The following DOCK9 variants were observed in gnomAD, a reference collection of about 807,000 sequenced individuals.
DOCK9 encodes the protein dedicator of cytokinesis protein 9.
In DOCK9, 89 loss-of-function variants were observed where a neutral mutation model predicts 263.3. That is an observed-to-expected ratio of 0.34 (90% CI 0.28 to 0.40). The LOEUF is 0.40. Among genes scored for constraint, DOCK9 ranks in the 10% least tolerant of loss-of-function variants. The probability of loss-of-function intolerance (pLI) is 1.00; values close to 1 mark genes in which losing one functional copy is unlikely to be tolerated. For missense variants in DOCK9, 2,140 were observed against 2,603.4 expected, an observed-to-expected ratio of 0.82 and a Z score of 3.87; for synonymous variants, 976 against 973.1, an observed-to-expected ratio of 1.00 and a Z score of -0.06.
intron 1 of DOCK9, among the ~76,000 whole-genome samples, chr13:98,957,836 G>A (rs576366357): frequency 2.6e-4 from 39 of 152,288 alleles, no homozygotes; most frequent in African/African-American, 8.9e-4. Flanking sequence ...CAATACTGCA[G>A]ACTGGGGCAG....
rs759258176 is a variant in DOCK9 at position 98,867,473 on chromosome 13, A to G, written c.3238T>C (p.Leu1080=). The G allele has an allele frequency of 6.2e-7, 1 of 1,612,930 alleles. No individual in the cohort carries two copies. The highest frequency in any genetic ancestry group is 2.2e-5 in the East Asian group (1 of 44,830). ...VVCNHEHYIP[L]NLPMPFGKGR... is the part of the protein sequence containing the mutation. The stretch of plus-strand genomic sequence containing the variant: ...TTTCCAAATGGCATTGGTAAGTTCA[A>G]CGGAATATAATGTTCATGGTTGCAC... Residue 1080 remains leucine (L), a synonymous_variant, in exon 30 of 53, where the codon TTG becomes CTG. Transcript: ENST00000682017.
chr13:98,809,287 TTG>T (rs1246737331), intron 47 of DOCK9, 63 bp downstream of exon 47: 2 of 1,376,000 alleles, frequency 1.5e-6, no homozygotes, highest in African/African-American at 1.5e-5. Flanking sequence ...AGTTTTTTTT[TTG>T]TTTTTGTTTT....
Position 98,867,575 on chromosome 13 carries a change from A to G in DOCK9, c.3175-39T>C, listed in dbSNP as rs745564284. 4.8e-6 allele frequency: 6 copies of G among 1,250,586 alleles called. No individual in the cohort carries two copies. In the South Asian group the frequency reaches 7.6e-5, roughly 16 times the overall value. 77.5% of individuals were successfully genotyped at this position (1,250,586 alleles called of 1,614,324 possible). ...TGTGTAGTCATAAATACCTCACTGG[A>G]TATTTTATACAGGATTCTAAAAAAC... On this transcript the variant is annotated intron_variant, in intron 29 of 52. Transcript: ENST00000682017.
chr13:98,877,629 T>C (rs8002108), intron 27 of DOCK9, among the ~76,000 whole-genome samples: 145,914 of 152,182 alleles, frequency 0.96, 70,252 homozygotes, highest in East Asian at 1. Flanking sequence ...CTGCAACTGA[T>C]GCCTCTTCCA....
At chr13:99,001,669 C>T (rs1350330552) in intron 1 of DOCK9, among the ~76,000 whole-genome samples, 1 of 152,146 alleles carries the variant, frequency 6.6e-6, no homozygotes, top group Non-Finnish European at 1.5e-5. Flanking sequence ...GGACTTGGGG[C>T]CTTTCTGACA....
At position 98,845,952 on chromosome 13, in the gene DOCK9, G is replaced by A; in HGVS notation, c.4170C>T (p.Ser1390=). The A allele has an allele frequency of 6.2e-7, 1 of 1,613,514 alleles. No individual in the cohort carries two copies. The highest frequency in any genetic ancestry group is 8.5e-7 in the Non-Finnish European group (1 of 1,179,710). ...GGTTAAAAGTGAGAGAGTTATCCAG[G>A]CTGCCCAGCTGCTGCAATCTGGCAT... ...MMHARLQQLG[S]LDNSLTFNHS... The change falls in exon 38 of 53, where the codon AGC becomes AGT. Residue 1390 remains serine, a synonymous_variant. Coordinates refer to ENST00000682017, the MANE Select transcript of DOCK9 (RefSeq NM_001366683.2).
Position 98,807,758 on chromosome 13 carries a change from T to C in DOCK9, c.5417A>G (p.Lys1806Arg). 1 of 1,613,550 alleles carries C rather than the reference T, an allele frequency of 6.2e-7. No individual in the cohort carries two copies. Among genetic ancestry groups the C allele is most frequent in the Non-Finnish European group, 8.5e-7 (1 of 1,179,586 alleles). The part of the protein sequence containing the change: ...DGKEYIYKEP[K>R]LTPLSEISQR... ...AGAAATTTCCGACAGCGGTGTGAGT[T>C]TGGGTTCCTTGTAAATATACTCCTT... Residue 1806 changes from lysine (K) to arginine (R), a missense_variant, in exon 48 of 53, where the codon AAA becomes AGA. This residue lies in a region of DOCK9 where 619 missense variants were observed against 861.8 expected (regional missense o/e 0.72). Coordinates refer to ENST00000682017, the MANE Select transcript of DOCK9 (RefSeq NM_001366683.2).
At chr13:99,020,388 G>A (rs1885948729) in intron 1 of DOCK9, among the ~76,000 whole-genome samples, 1 of 152,122 alleles carries the variant, frequency 6.6e-6, no homozygotes, top group African/African-American at 2.4e-5. Context: ...CTCAGGGTGT[G>A]CATTTTAGAC....
chr13:98,906,373 C>T (rs113684111), intron 9 of DOCK9, among the ~76,000 whole-genome samples: 2 of 152,224 alleles, frequency 1.3e-5, no homozygotes, highest in African/African-American at 4.8e-5. Context: ...GATTTGGGAA[C>T]AGAAAGAGAG....
intron 1 of DOCK9, among the ~76,000 whole-genome samples, chr13:98,988,937 G>A (rs1879090970): frequency 6.6e-6 from 1 of 152,174 alleles, no homozygotes; most frequent in Non-Finnish European, 1.5e-5. Context: ...CCCATGTGCT[G>A]AACGGCAACC....
chr13:98,903,177 C>T, intron 10 of DOCK9, 65 bp from the exon 11 acceptor site: 1 of 1,252,746 alleles, frequency 8.0e-7, no homozygotes, highest in Non-Finnish European at 1.1e-6. Context: ...ATCATAAATG[C>T]ATCCAAAGGA....
chr13:98,845,076 A>G (rs570376055), intron 38 of DOCK9, among the ~76,000 whole-genome samples: 5 of 152,220 alleles, frequency 3.3e-5, no homozygotes, highest in Non-Finnish European at 7.3e-5. Flanking sequence ...TGTATGGTTG[A>G]TATCTTTCAG....
chr13:98,935,815 G>A (rs1440969264), intron 2 of DOCK9, among the ~76,000 whole-genome samples: 1 of 152,048 alleles, frequency 6.6e-6, no homozygotes, highest in Non-Finnish European at 1.5e-5. Flanking sequence ...GAACCCATTA[G>A]GCTGGACCCA....
chr13:98,822,607 AGCC>A (rs1382276444), intron 45 of DOCK9, among the ~76,000 whole-genome samples: 3 of 152,182 alleles, frequency 2.0e-5, no homozygotes, highest in African/African-American at 7.2e-5. Flanking sequence ...AGGAGTTCAA[AGCC>A]AAGAGTATGT....
In DOCK9 at chr13:98,885,556, A is replaced by G. The variant is rs2045567862; in HGVS notation, c.2260+152T>C. 4.1e-6 allele frequency: 3 copies of G among 725,278 alleles called. No homozygotes were observed. In the South Asian group the frequency reaches 8.7e-5, roughly 21 times the overall value. 44.9% of individuals were successfully genotyped at this position (725,278 alleles called of 1,614,324 possible). On this transcript the variant is annotated intron_variant, in intron 20 of 52. Coordinates refer to ENST00000682017, the MANE Select transcript of DOCK9 (RefSeq NM_001366683.2). ...AAAATTAAAAAAAAAAAAAAAAATT[A>G]CATATGCAACCCAGACATGCTACAT...
rs999172770 is a variant in DOCK9 at position 98,793,820 on chromosome 13, T to C, written c.*806A>G. On this transcript the variant is annotated 3_prime_UTR_variant, in exon 53 of 53. Coordinates refer to ENST00000682017, the MANE Select transcript of DOCK9 (RefSeq NM_001366683.2). ...ATAAAACATTAAAGTGTATTGCATA[T>C]ACTGGAACAGCACAAATTTATCACA... The C allele has an allele frequency of 3.9e-5, 6 of 152,672 alleles. No individual in the cohort carries two copies. The highest frequency in any genetic ancestry group is 1.4e-4 in the African/African-American group (6 of 41,464). 9.5% of individuals were successfully genotyped at this position (152,672 alleles called of 1,614,324 possible).
intron 1 of DOCK9, among the ~76,000 whole-genome samples, chr13:99,054,204 A>C (rs1451765582): frequency 1.3e-5 from 2 of 152,202 alleles, no homozygotes; most frequent in African/African-American, 4.8e-5. Flanking sequence ...CAAAATTACA[A>C]ATATTAGTGC....
At chr13:98,974,522 G>A (rs987286325) in intron 1 of DOCK9, among the ~76,000 whole-genome samples, 1 of 152,056 alleles carries the variant, frequency 6.6e-6, no homozygotes, top group African/African-American at 2.4e-5. Context: ...GGCCAAAGCA[G>A]GTGGATCACC....
chr13:98,937,751 C>A (rs1432623715), intron 2 of DOCK9, among the ~76,000 whole-genome samples: 3 of 150,038 alleles, frequency 2.0e-5, no homozygotes, highest in Non-Finnish European at 4.4e-5. Context: ...TAGAAAAGCA[C>A]AGAGTTGCTC....
Sources: allele counts gnomAD v4.1 joint callset (sites outside exome capture counted in the v4.1 genomes callset), GRCh38; gene constraint gnomAD v4.1.1; regional missense constraint gnomAD v4.1.1; transcripts MANE v1.5; gene names NCBI Gene and HGNC (gene_info 2026-07-23, HGNC 2026-07-21).